Variants in SGMS1 observed in about 807,000 individuals in gnomAD.
The protein encoded by SGMS1 is phosphatidylcholine:ceramide cholinephosphotransferase 1.
Under a neutral mutation model 46.2 loss-of-function variants are expected in SGMS1, and 13 were observed. The observed-to-expected ratio is 0.28, with a 90% CI of 0.18 to 0.45. The LOEUF is 0.45. Among genes scored for constraint, SGMS1 ranks in the 20% least tolerant of loss-of-function variants. SGMS1 has a pLI of 1.00. For synonymous variants in SGMS1, 203 were observed against 187.8 expected (o/e 1.08, Z -0.66); for missense variants, 324 against 519.9 (o/e 0.62, Z 3.66).
At chr10:50,358,535 A>G (rs1848193438) in intron 6 of SGMS1, among the ~76,000 whole-genome samples, 1 of 152,154 alleles carries the variant, frequency 6.6e-6, no homozygotes, top group Non-Finnish European at 1.5e-5. Flanking sequence ...CTAAAAATAC[A>G]AAACTTAACT....
intron 6 of SGMS1, among the ~76,000 whole-genome samples, chr10:50,383,540 G>C (rs1406010499): frequency 6.6e-6 from 1 of 152,100 alleles, no homozygotes; most frequent in Non-Finnish European, 1.5e-5. Flanking sequence ...CAGAAAAAGA[G>C]ATAAACATGA....
At chr10:50,460,026 C>T (rs528793709) in intron 5 of SGMS1, 3 of 151,804 alleles carry the variant, frequency 2.0e-5, no homozygotes, top group South Asian at 4.2e-4. Context: ...ATGACAATAA[C>T]ACAGGCTGTG....
intron 7 of SGMS1, among the ~76,000 whole-genome samples, chr10:50,340,223 G>C (rs2133350316): frequency 6.6e-6 from 1 of 152,314 alleles, no homozygotes; most frequent in East Asian, 1.9e-4. Flanking sequence ...TTCTTCTTCA[G>C]GTGTTCACCA....
chr10:50,543,204 T>G (rs1838071650), intron 2 of SGMS1, among the ~76,000 whole-genome samples: 1 of 152,176 alleles, frequency 6.6e-6, no homozygotes, highest in Non-Finnish European at 1.5e-5. Flanking sequence ...AATGAGTATG[T>G]GGCAAGGCTG....
intron 1 of SGMS1, among the ~76,000 whole-genome samples, chr10:50,600,626 A>C (rs1838640908): frequency 1.3e-5 from 2 of 152,240 alleles, no homozygotes; most frequent in Admixed American, 1.3e-4. Context: ...TGATGGAGAC[A>C]GAAAGGTGCT....
chr10:50,350,686 A>G (rs113623352), intron 6 of SGMS1, among the ~76,000 whole-genome samples: 4 of 152,232 alleles, frequency 2.6e-5, no homozygotes, highest in South Asian at 2.1e-4. Context: ...GGAAGCCCCA[A>G]GCCTTGGCAG....
At chr10:50,438,696 C>T (rs1849505182) in intron 5 of SGMS1, among the ~76,000 whole-genome samples, 1 of 152,160 alleles carries the variant, frequency 6.6e-6, no homozygotes, top group African/African-American at 2.4e-5. Context: ...TCCCTGATGT[C>T]ACCACATGTC....
chr10:50,308,532 G>A (rs1021580759), intron 9 of SGMS1, among the ~76,000 whole-genome samples: 4 of 151,982 alleles, frequency 2.6e-5, no homozygotes, highest in Non-Finnish European at 4.4e-5. Context: ...AATACCTTTT[G>A]GCCCACAGAG....
At position 50,517,639 on chromosome 10, in the gene SGMS1, T is replaced by C. The variant is rs78701501; in HGVS notation, c.-498+2192A>G. Among the ~76,000 whole-genome samples, 459 of 152,100 alleles carry C rather than the reference T, an allele frequency of 3.0e-3. 3 individuals carry two copies. The highest frequency in any genetic ancestry group is 0.011 in the African/African-American group (446 of 41,498). ...CATTCAAGCATTGAGAGCTGAAAAA[T>C]GTTTAGGGTGGATAAATGAAATAAA... On this transcript the variant is annotated intron_variant, in intron 3 of 10. Coordinates refer to ENST00000361781, the MANE Select transcript of SGMS1 (RefSeq NM_147156.4).
chr10:50,402,483 T>C (rs935165685), intron 6 of SGMS1, among the ~76,000 whole-genome samples: 1 of 152,206 alleles, frequency 6.6e-6, no homozygotes, highest in African/African-American at 2.4e-5. Context: ...ATTTTCAGGG[T>C]ATAACATTAC....
intron 2 of SGMS1, among the ~76,000 whole-genome samples, chr10:50,538,632 G>A (rs547638083): frequency 2.6e-4 from 40 of 152,176 alleles, no homozygotes; most frequent in Non-Finnish European, 1.5e-5. Flanking sequence ...CATGACCACT[G>A]AAAATGTTCC....
At chr10:50,509,096 A>G (rs1476102123) in intron 3 of SGMS1, among the ~76,000 whole-genome samples, 3 of 152,208 alleles carry the variant, frequency 2.0e-5, no homozygotes, top group Non-Finnish European at 4.4e-5. Flanking sequence ...TTTTAAATAA[A>G]CAAGAAATTT....
intron 3 of SGMS1, among the ~76,000 whole-genome samples, chr10:50,478,605 A>G (rs531782538): frequency 1.3e-5 from 2 of 152,334 alleles, no homozygotes; most frequent in East Asian, 1.9e-4. Context: ...AAACCTATCA[A>G]CTGAAAATCA....
chr10:50,386,722 AG>A (rs943771498), intron 6 of SGMS1, among the ~76,000 whole-genome samples: 6 of 152,154 alleles, frequency 3.9e-5, no homozygotes, highest in African/African-American at 1.4e-4. Flanking sequence ...AGAATTGAAC[AG>A]GGGCCAAGAG....
chr10:50,443,507 GA>G (rs927396676), intron 5 of SGMS1, among the ~76,000 whole-genome samples: 17 of 151,022 alleles, frequency 1.1e-4, no homozygotes, highest in African/African-American at 3.6e-4. Context: ...AAGAGAAGGA[GA>G]AAAAAAAGAC....
chr10:50,397,270 T>G (rs530633163), intron 6 of SGMS1, among the ~76,000 whole-genome samples: 3 of 152,106 alleles, frequency 2.0e-5, no homozygotes, highest in Non-Finnish European at 4.4e-5. Flanking sequence ...CCAGGTAGGA[T>G]AGATACGTGG....
chr10:50,418,443 TGCAGGGTGTG>T (rs998747846), intron 6 of SGMS1: 9 of 152,566 alleles, frequency 5.9e-5, no homozygotes, highest in African/African-American at 2.2e-4. Context: ...GTTTTTGGAA[TGCAGGGTGTG>T]GCCCTCTACC....
At chr10:50,594,515 GT>G (rs929247460) in intron 1 of SGMS1, among the ~76,000 whole-genome samples, 2 of 151,916 alleles carry the variant, frequency 1.3e-5, no homozygotes, top group Admixed American at 6.6e-5. Flanking sequence ...AGTTGGTTAG[GT>G]TTTTTAATAT....
intron 6 of SGMS1, among the ~76,000 whole-genome samples, chr10:50,352,857 C>T (rs1227219407): frequency 5.3e-5 from 8 of 152,046 alleles, no homozygotes; most frequent in Admixed American, 3.3e-4. Context: ...ATAAATTCCC[C>T]GACACATACA....
Sources: allele counts gnomAD v4.1 joint callset (sites outside exome capture counted in the v4.1 genomes callset), GRCh38; gene constraint gnomAD v4.1.1; transcripts MANE v1.5; gene names NCBI Gene and HGNC (gene_info 2026-07-23, HGNC 2026-07-21).